Variants in TM6SF1 observed in about 807,000 individuals in gnomAD.
The protein encoded by TM6SF1 is transmembrane 6 superfamily member 1.
Under a neutral mutation model 47.1 loss-of-function variants are expected in TM6SF1, and 43 were observed. The observed-to-expected ratio is 0.91, with a 90% CI of 0.72 to 1.18. TM6SF1 has a LOEUF of 1.18. Ranked by LOEUF, TM6SF1 falls within the 50% of genes most tolerant of loss-of-function variation. TM6SF1 has a pLI of 0.00. For missense variants in TM6SF1, 390 were observed against 449.0 expected (o/e 0.87, Z 1.19); for synonymous variants, 177 against 166.3 (o/e 1.06, Z -0.49).
intron 9 of TM6SF1, chr15:83,132,398 C>G (rs116677032): frequency 0.02 from 3,087 of 152,308 alleles, 102 homozygotes; most frequent in African/African-American, 0.07. Context: ...CCTGCCATCC[C>G]ACAGCCAGCG....
Position 83,122,866 on chromosome 15 carries a change from T to C in TM6SF1, c.591T>C (p.Asn197=), listed in dbSNP as rs1212427197. The part of the protein sequence containing the change: ...RIYNQPSENY[N]YPSKVIQEAQ... ...ATAATCAGCCATCAGAAAATTATAA[T>C]TACCCCTCAAAGGTGATTTTATTAA... Residue 197 remains asparagine, a synonymous_variant, in exon 6 of 10, where the codon AAT becomes AAC. Coordinates refer to ENST00000322019, the MANE Select transcript of TM6SF1 (RefSeq NM_023003.5). The C allele has an allele frequency of 6.2e-7, 1 of 1,614,070 alleles. No individual in the cohort carries two copies. Among genetic ancestry groups the C allele is most frequent in the South Asian group, 1.1e-5 (1 of 91,060 alleles).
intron 9 of TM6SF1, chr15:83,131,151 C>T (rs958472572): frequency 5.9e-5 from 9 of 152,088 alleles, no homozygotes; most frequent in Non-Finnish European, 1.3e-4. Context: ...TAACTTTAAT[C>T]AGCATCTTTG....
rs2034862556 is a variant in TM6SF1, at chr15:83,118,206, A to C, written c.295-1372A>C. On this transcript the variant is annotated intron_variant, in intron 3 of 9. Coordinates refer to ENST00000322019, the MANE Select transcript of TM6SF1 (RefSeq NM_023003.5). ...ACCACTGCACTCTAGACCGGGTGACAGAGTGAGACCCTGTCTCTGTACGTA... is the reference window on the plus strand; with the variant it reads ...ACCACTGCACTCTAGACCGGGTGACCGAGTGAGACCCTGTCTCTGTACGTA... 1.3e-5 allele frequency among the ~76,000 whole-genome samples: 2 copies of C among 151,958 alleles called. 1 individual carries two copies. The highest frequency in any genetic ancestry group is 4.2e-4 in the South Asian group (2 of 4,810).
At chr15:83,123,135 T>G (rs1051470575) in intron 6 of TM6SF1, among the ~76,000 whole-genome samples, 2 of 152,222 alleles carry the variant, frequency 1.3e-5, no homozygotes, top group East Asian at 3.8e-4. Context: ...TCACACTGGC[T>G]CTAACTATCA....
chr15:83,113,161 TTGACCTC>T lies in TM6SF1; in HGVS notation c.196+276_196+282del, dbSNP rs532881743. 4.1e-4 allele frequency: 221 copies of T among 539,046 alleles called. 1 individual carries two copies. Among genetic ancestry groups the T allele is most frequent in the Non-Finnish European group, 6.5e-4 (195 of 297,882 alleles). The allele number at this position is 539,046 out of a possible 1,614,324, so 33.4% of individuals were successfully genotyped here. ...GGCACCCTGCCAACCCCAGCATGCT[TTGACCTC>T]TGACCTCTGACCTCGACTCTCATGC... is the stretch of plus-strand genomic sequence containing the variant. On this transcript the variant is annotated intron_variant, in intron 2 of 9. Transcript: ENST00000322019.
chr15:83,118,228 C>T (rs1042464430), intron 3 of TM6SF1, among the ~76,000 whole-genome samples: 19 of 131,054 alleles, frequency 1.4e-4, no homozygotes, highest in African/African-American at 5.5e-4. Context: ...TGTCTCTGTA[C>T]GTACACACAC....
At position 83,107,890 on chromosome 15, in the gene TM6SF1, C is replaced by T; in HGVS notation, c.92+118C>T. On this transcript the variant is annotated intron_variant, in intron 1 of 9. Transcript: ENST00000322019. This position sits in a 1 kb window ranked among gnomAD's most constrained non-coding sequence, Gnocchi z 5.6. ...GACCGTCCGCCGCGGGACAGAGGTTCGTGGCCGCAGGGGCTCCCCGCGCCT... is the reference window on the plus strand; with the variant it reads ...GACCGTCCGCCGCGGGACAGAGGTTTGTGGCCGCAGGGGCTCCCCGCGCCT... 1.5e-6 allele frequency: 2 copies of T among 1,323,978 alleles called. No individual in the cohort carries two copies. Among genetic ancestry groups the T allele is most frequent in the East Asian group, 3.2e-5 (1 of 31,526 alleles). 82.0% of individuals were successfully genotyped at this position (1,323,978 alleles called of 1,614,324 possible). A position where few individuals can be genotyped will look rare whatever the true frequency, so the allele number is the denominator to read the frequency against.
chr15:83,131,475 A>T (rs1424661498), intron 9 of TM6SF1: 1 of 152,212 alleles, frequency 6.6e-6, no homozygotes, highest in African/African-American at 2.4e-5. Flanking sequence ...TACTAAAAAT[A>T]CAAAAAATTA....
intron 3 of TM6SF1, among the ~76,000 whole-genome samples, chr15:83,116,536 G>T (rs1417937233): frequency 6.6e-6 from 1 of 152,250 alleles, no homozygotes; most frequent in Non-Finnish European, 1.5e-5. Context: ...TCCATGTTCA[G>T]ATAATGGGGA....
chr15:83,136,226 T>C (rs2036598299), intron 9 of TM6SF1: 1 of 319,966 alleles, frequency 3.1e-6, no homozygotes, highest in East Asian at 4.9e-5. Flanking sequence ...ACAACTGGCA[T>C]GATAAAACTA....
In TM6SF1 at chr15:83,126,731, T is replaced by C. The variant is rs1254578682; in HGVS notation, c.709-24T>C. 6 of 1,581,866 alleles carry C rather than the reference T, an allele frequency of 3.8e-6. No homozygotes were observed. In the Admixed American group the frequency reaches 1.0e-4, roughly 27 times the overall value. ...AGAACCAGATGTGATTGTATTTTTA[T>C]AATGAGTTTATTTTTGTCCTTAGAT... On this transcript the variant is annotated intron_variant, in intron 7 of 9. Coordinates refer to ENST00000322019, the MANE Select transcript of TM6SF1 (RefSeq NM_023003.5).
Position 83,127,490 on chromosome 15 carries a change from T to G in TM6SF1, c.921+13T>G, listed in dbSNP as rs1164939747. On this transcript the variant is annotated intron_variant, in intron 9 of 9. Coordinates refer to ENST00000322019, the MANE Select transcript of TM6SF1 (RefSeq NM_023003.5). Reference sequence around the variant, plus strand: ...AGGTCTGGCTCAGGTACTAAGAATATTCTGTTGAGAAGGTTTACTTGTGGT... The same window carrying G: ...AGGTCTGGCTCAGGTACTAAGAATAGTCTGTTGAGAAGGTTTACTTGTGGT... 6.2e-7 allele frequency: 1 copy of G among 1,612,678 alleles called. No individual in the cohort carries two copies. The highest frequency in any genetic ancestry group is 8.5e-7 in the Non-Finnish European group (1 of 1,179,486).
chr15:83,128,755 T>C (rs1391778775), intron 9 of TM6SF1: 1 of 152,174 alleles, frequency 6.6e-6, no homozygotes, highest in Non-Finnish European at 1.5e-5. Flanking sequence ...TCCAATTGCA[T>C]CCAGCAACTC....
intron 4 of TM6SF1, among the ~76,000 whole-genome samples, chr15:83,121,521 T>C (rs909430742): frequency 2.6e-5 from 4 of 152,234 alleles, no homozygotes; most frequent in African/African-American, 9.6e-5. Context: ...CATTTAACAT[T>C]ATCATTGTAA....
intron 2 of TM6SF1, chr15:83,114,589 GGA>G (rs2034483963): frequency 2.0e-5 from 3 of 152,722 alleles, no homozygotes; most frequent in African/African-American, 7.2e-5. Context: ...TTCCTTCTGG[GGA>G]GAATGTGAAT....
chr15:83,133,696 C>T (rs1454998468), intron 9 of TM6SF1: 1 of 152,250 alleles, frequency 6.6e-6, no homozygotes, highest in African/African-American at 2.4e-5. Context: ...TCAGGCTGAG[C>T]TCTTCAGGTC....
intron 6 of TM6SF1, among the ~76,000 whole-genome samples, chr15:83,123,485 A>T (rs1042257343): frequency 2.6e-5 from 4 of 152,230 alleles, no homozygotes; most frequent in African/African-American, 7.2e-5. Context: ...TTTTCTAGGT[A>T]TTAGATCATT....
chr15:83,117,492 G>C (rs1200695489), intron 3 of TM6SF1, among the ~76,000 whole-genome samples: 1 of 152,192 alleles, frequency 6.6e-6, no homozygotes, highest in Non-Finnish European at 1.5e-5. Flanking sequence ...AGAAGCCCCT[G>C]AAGTGGACCA....
intron 9 of TM6SF1, chr15:83,135,355 G>A (rs1022988513): frequency 1.3e-5 from 2 of 152,156 alleles, no homozygotes; most frequent in Non-Finnish European, 2.9e-5. Flanking sequence ...TGTATTTAAA[G>A]CAAATTATCT....
Sources: gnomAD v4.1 joint callset for allele counts (sites outside exome capture counted in the v4.1 genomes callset) on GRCh38, gnomAD v4.1.1 for gene constraint, Gnocchi (gnomAD v3.1) non-coding constraint, MANE v1.5 for transcripts, NCBI Gene and HGNC (gene_info 2026-07-23, HGNC 2026-07-21) for gene names.